ZNF385C: variants seen among roughly 807,000 people sequenced by gnomAD.
ZNF385C encodes CTD-2132N18.2.
Under a neutral mutation model 35.4 loss-of-function variants are expected in ZNF385C, and 28 were observed. That is an observed-to-expected ratio of 0.79 (90% CI 0.59 to 1.08). The LOEUF is 1.08. Ranked by LOEUF, ZNF385C falls within the 50% of genes least tolerant of loss-of-function variation. The probability of loss-of-function intolerance (pLI) is 0.00; values close to 1 mark genes in which losing one functional copy is unlikely to be tolerated. For missense variants in ZNF385C, 605 were observed against 595.6 expected (o/e 1.02, Z -0.16); for synonymous variants, 248 against 248.2 (o/e 1.00, Z 0.01).
At chr17:42,073,598 C>A (rs1369391086) in intron 1 of ZNF385C, among the ~76,000 whole-genome samples, 1 of 152,096 alleles carries the variant, frequency 6.6e-6, no homozygotes. Flanking sequence ...GCTGAGAGTC[C>A]TTTCTGATTC....
intron 5 of ZNF385C, among the ~76,000 whole-genome samples, chr17:42,031,106 T>C (rs1387628582): frequency 2.0e-5 from 3 of 152,110 alleles, no homozygotes; most frequent in Non-Finnish European, 4.4e-5. Context: ...CTGTCACCCA[T>C]AGCTCACTGC....
intron 2 of ZNF385C, chr17:42,043,488 TGGGG>T: frequency 3.1e-6 from 3 of 976,858 alleles, no homozygotes; most frequent in Non-Finnish European, 4.0e-6. Context: ...GGAGGCAGGC[TGGGG>T]GCAGCCCGCC....
intron 1 of ZNF385C, among the ~76,000 whole-genome samples, chr17:42,087,893 T>G (rs1460823543): frequency 6.6e-6 from 1 of 152,258 alleles, no homozygotes; most frequent in African/African-American, 2.4e-5. Context: ...CTTTTGCACA[T>G]ACTGAACCCC....
At chr17:42,038,072 G>C (rs2052907650) in intron 2 of ZNF385C, 187 bp from the exon 3 acceptor site, 1 of 1,535,350 alleles carries the variant, frequency 6.5e-7, no homozygotes, top group East Asian at 2.4e-5. Context: ...CCACAGCTGG[G>C]GAAGCAGAGG....
At chr17:42,074,007 G>C (rs545819065) in intron 1 of ZNF385C, among the ~76,000 whole-genome samples, 3 of 152,262 alleles carry the variant, frequency 2.0e-5, no homozygotes, top group African/African-American at 7.2e-5. Flanking sequence ...TCTCCCCTCA[G>C]TCTGGAACAT....
chr17:42,052,594 G>A (rs953354573), intron 2 of ZNF385C, among the ~76,000 whole-genome samples: 26 of 152,242 alleles, frequency 1.7e-4, no homozygotes, highest in African/African-American at 5.5e-4. Flanking sequence ...AGATGGGCAC[G>A]AGCAACAAAG....
chr17:42,059,831 A>T (rs1363188425), intron 2 of ZNF385C, among the ~76,000 whole-genome samples: 1 of 152,300 alleles, frequency 6.6e-6, no homozygotes, highest in East Asian at 1.9e-4. Context: ...CATATTGGCC[A>T]GGCTAGTCTC....
In ZNF385C at chr17:42,031,748, C is replaced by T. The variant is rs782668370; in HGVS notation, c.547G>A (p.Ala183Thr). The T allele has an allele frequency of 7.1e-6, 11 of 1,550,782 alleles. No individual in the cohort carries two copies. The highest frequency in any genetic ancestry group is 3.6e-5 in the South Asian group (3 of 84,066). ...AEAHYKGHKH[A>T]RKLKAVEAAK... ...GCCTCGACAGCCTTGAGTTTTCTGG[C>T]GTGTTTGTGGCCTTTATAATGTGCC... The change falls in exon 5 of 9, where the codon GCC becomes ACC. Residue 183 changes from alanine to threonine, a missense_variant. Coordinates refer to ENST00000692273, the MANE Select transcript of ZNF385C (RefSeq NM_001392013.1).
chr17:42,044,736 T>A (rs1375989573), intron 2 of ZNF385C, among the ~76,000 whole-genome samples: 3 of 152,000 alleles, frequency 2.0e-5, no homozygotes, highest in Non-Finnish European at 4.4e-5. Context: ...ACACTCACAC[T>A]CATACCCATT....
intron 1 of ZNF385C, among the ~76,000 whole-genome samples, chr17:42,081,317 T>G (rs1340206342): frequency 1.3e-5 from 2 of 151,884 alleles, no homozygotes; most frequent in Middle Eastern, 3.4e-3. Context: ...TGCCTGAGGG[T>G]TTTTGGCCAC....
intron 8 of ZNF385C, among the ~76,000 whole-genome samples, 159 bp downstream of exon 8, chr17:42,027,459 C>T (rs782442666): frequency 4.6e-5 from 7 of 152,014 alleles, no homozygotes; most frequent in African/African-American, 9.7e-5. Flanking sequence ...AATTCCTCTG[C>T]GCAGATCCCA....
At chr17:42,049,366 C>G (rs1217609323) in intron 2 of ZNF385C, among the ~76,000 whole-genome samples, 2 of 152,030 alleles carry the variant, frequency 1.3e-5, no homozygotes, top group African/African-American at 4.8e-5. Context: ...CCTCTCTCCA[C>G]CCCCCTTCTC....
rs1387006920 is a variant in ZNF385C, at chr17:42,037,813, G to A, written c.323C>T (p.Pro108Leu). The A allele has an allele frequency of 3.6e-5, 55 of 1,523,326 alleles. No homozygotes were observed. The highest frequency in any genetic ancestry group is 1.2e-4 in the African/African-American group (9 of 72,316). 94.4% of individuals were successfully genotyped at this position (1,523,326 alleles called of 1,614,324 possible). The change falls in exon 3 of 9, where the codon CCG (proline) becomes CTG (leucine). Residue 108 changes from proline to leucine, a missense_variant. Physicochemically the swap from Pro to Leu is moderately conservative, Grantham distance 98. Transcript: ENST00000692273. ...GGCGAGCAAGTGCTTGAAGTCCAGC[G>A]GGGGCTGCAGAGGCCGGGTGGGCAG... ...LPLPTRPLQP[P>L]LDFKHLLAFH... is the part of the protein sequence containing the mutation.
At chr17:42,044,616 CAAA>C (rs1200170680) in intron 2 of ZNF385C, among the ~76,000 whole-genome samples, 4 of 118,368 alleles carry the variant, frequency 3.4e-5, no homozygotes. Context: ...AACTCTGTCT[CAAA>C]AAAAAAAAAA....
intron 2 of ZNF385C, chr17:42,039,856 C>G (rs1555655902): frequency 8.1e-7 from 1 of 1,231,642 alleles, no homozygotes; most frequent in Non-Finnish European, 1.0e-6. Flanking sequence ...ACTCTGCCCC[C>G]ACCACCGCAG....
intron 1 of ZNF385C, among the ~76,000 whole-genome samples, chr17:42,083,444 T>C (rs1157463489): frequency 2.0e-5 from 3 of 151,984 alleles, no homozygotes; most frequent in Non-Finnish European, 2.9e-5. Context: ...CCTAACCTCA[T>C]GATCCACCCA....
rs2053255100 is a variant in ZNF385C at position 42,050,363 on chromosome 17, C to T, written c.250+12444G>A. Among the ~76,000 whole-genome samples the T allele has an allele frequency of 2.0e-5, 3 of 152,124 alleles. No individual in the cohort carries two copies. Among genetic ancestry groups the T allele is most frequent in the Admixed American group, 1.3e-4 (2 of 15,280 alleles). ...GACAGCCCTGGTGAGAAGGGGCTCC[C>T]CTGCACCTCTTCTCACGCATCCTCC... is the stretch of plus-strand genomic sequence containing the variant. On this transcript the variant is annotated intron_variant, in intron 2 of 8. Transcript: ENST00000692273. This position sits in a 1 kb window ranked among gnomAD's most constrained non-coding sequence, Gnocchi z 5.6.
chr17:42,052,199 C>T (rs2053295530), intron 2 of ZNF385C, among the ~76,000 whole-genome samples: 1 of 152,144 alleles, frequency 6.6e-6, no homozygotes, highest in East Asian at 1.9e-4. Flanking sequence ...GAAGAGGCTG[C>T]CCCCAAAGGT....
intron 1 of ZNF385C, among the ~76,000 whole-genome samples, chr17:42,074,952 A>T (rs1382633542): frequency 6.6e-6 from 1 of 152,222 alleles, no homozygotes; most frequent in Admixed American, 6.5e-5. Flanking sequence ...TGGGGAGATC[A>T]CTACCTAACA....
Sources: allele counts gnomAD v4.1 joint callset (sites outside exome capture counted in the v4.1 genomes callset), GRCh38; gene constraint gnomAD v4.1.1; non-coding constraint Gnocchi (gnomAD v3.1); transcripts MANE v1.5; gene names NCBI Gene and HGNC (gene_info 2026-07-23, HGNC 2026-07-21).